Variants in KAT6B observed in about 807,000 individuals in gnomAD.
KAT6B encodes lysine acetyltransferase 6B.
In KAT6B, 10 loss-of-function variants were observed where a neutral mutation model predicts 187.5. The observed-to-expected ratio is 0.05, with a 90% CI of 0.03 to 0.09. The LOEUF (loss-of-function observed/expected upper bound fraction) is 0.09, where lower values mean the gene tolerates loss of function less well. Among genes scored for constraint, KAT6B ranks in the 10% least tolerant of loss-of-function variants. KAT6B has a pLI of 1.00. For missense variants in KAT6B, 1,952 were observed against 2,558.9 expected, an observed-to-expected ratio of 0.76 and a Z score of 5.12; for synonymous variants, 861 against 926.8, an observed-to-expected ratio of 0.93 and a Z score of 1.29.
At chr10:74,943,156 A>C (rs569987993) in intron 3 of KAT6B, among the ~76,000 whole-genome samples, 54 of 152,342 alleles carry the variant, frequency 3.5e-4, no homozygotes, top group Non-Finnish European at 5.6e-4. Context: ...CAAAATGATT[A>C]TTTTTAAAGT....
chr10:74,884,196 C>G (rs1845066308), intron 3 of KAT6B, among the ~76,000 whole-genome samples: 1 of 152,108 alleles, frequency 6.6e-6, no homozygotes, highest in South Asian at 2.1e-4. Context: ...TTTTGAAATC[C>G]CTGGGTTGAA....
At chr10:75,011,537 C>A (rs556195324) in intron 13 of KAT6B, among the ~76,000 whole-genome samples, 2 of 152,276 alleles carry the variant, frequency 1.3e-5, no homozygotes, top group East Asian at 3.9e-4. Context: ...GTAAGCTATT[C>A]TTACATCAAC....
In KAT6B at chr10:75,030,212, G is replaced by A. The variant is rs898082365; in HGVS notation, c.5388G>A (p.Glu1796=). ...ETSNANIGLY[E]RMGQSDFGAG... The stretch of plus-strand genomic sequence containing the variant: ...GCAACGCCAACATTGGCTTATACGA[G>A]CGAATGGGTCAGAGTGATTTTGGGG... Residue 1796 remains glutamate (E), a synonymous_variant, in exon 18 of 18, where the codon GAG becomes GAA. Coordinates refer to ENST00000287239, the MANE Select transcript of KAT6B (RefSeq NM_012330.4). This position sits in a 1 kb window ranked among gnomAD's most constrained non-coding sequence, Gnocchi z 4.8. 3.7e-6 allele frequency: 6 copies of A among 1,614,026 alleles called. No individual in the cohort carries two copies. In the African/African-American group the frequency reaches 6.7e-5, roughly 18 times the overall value.
chr10:74,825,260 T>TC (rs1840100960), upstream of KAT6B, among the ~76,000 whole-genome samples: 16 of 151,576 alleles, frequency 1.1e-4, no homozygotes, highest in South Asian at 3.3e-3. The surrounding 1 kb of genome is among the most constrained non-coding windows in gnomAD (Gnocchi z 5.0). Flanking sequence ...GCGGGCACAC[T>TC]CCCCGCCCCA....
chr10:74,863,388 C>T (rs924786063), intron 3 of KAT6B, among the ~76,000 whole-genome samples: 2 of 152,084 alleles, frequency 1.3e-5, no homozygotes, highest in Admixed American at 1.3e-4. Flanking sequence ...TTAAGGTGCT[C>T]CTAAATCTTC....
chr10:74,989,714 C>T lies in KAT6B; in HGVS notation c.2629+602C>T, dbSNP rs777090363. Among the ~76,000 whole-genome samples, 13 of 151,480 alleles carry T rather than the reference C, an allele frequency of 8.6e-5. 1 individual carries two copies. The highest frequency in any genetic ancestry group is 4.2e-4 in the South Asian group (2 of 4,790). On this transcript the variant is annotated intron_variant, in intron 13 of 17. Transcript: ENST00000287239. ...TCTTCTGAACCTTCTCAGTTAAAAC[C>T]GGCATAATATATAAAAGTATGCACA...
Position 74,945,739 on chromosome 10 carries a change from T to A in KAT6B, c.622-14231T>A, listed in dbSNP as rs542846066. Among the ~76,000 whole-genome samples, 50 of 152,292 alleles carry A rather than the reference T, an allele frequency of 3.3e-4. 1 individual carries two copies. Among genetic ancestry groups the A allele is most frequent in the African/African-American group, 1.1e-3 (47 of 41,572 alleles). Reference sequence around the variant, plus strand: ...TGCTGGGATTACAGGCATGAGCCACTGTGCCCGCCGGCCTGCCCAAACTTT... The same window carrying A: ...TGCTGGGATTACAGGCATGAGCCACAGTGCCCGCCGGCCTGCCCAAACTTT... On this transcript the variant is annotated intron_variant, in intron 3 of 17. Transcript: ENST00000287239.
chr10:74,839,261 G>A (rs1243438085), intron 2 of KAT6B, among the ~76,000 whole-genome samples: 2 of 144,880 alleles, frequency 1.4e-5, no homozygotes, highest in South Asian at 2.1e-4. Flanking sequence ...ATGGAGTTTC[G>A]CTCTTGTTGC....
chr10:75,021,447 A>G (rs148242818), intron 15 of KAT6B, among the ~76,000 whole-genome samples, 162 bp downstream of exon 15: 12 of 152,222 alleles, frequency 7.9e-5, no homozygotes, highest in African/African-American at 2.9e-4. Context: ...ATGGTAAGAC[A>G]TGATAATTTT....
intron 3 of KAT6B, among the ~76,000 whole-genome samples, chr10:74,861,067 G>A (rs1166681068): frequency 6.6e-6 from 1 of 152,140 alleles, no homozygotes; most frequent in Non-Finnish European, 1.5e-5. Flanking sequence ...AACCCGGGAG[G>A]TGGAGGTTGC....
intron 13 of KAT6B, among the ~76,000 whole-genome samples, chr10:75,009,444 A>G (rs1224080016): frequency 1.3e-5 from 2 of 152,194 alleles, no homozygotes; most frequent in African/African-American, 4.8e-5. Context: ...TGATTAACAT[A>G]ATATAAAGTC....
intron 3 of KAT6B, among the ~76,000 whole-genome samples, chr10:74,870,286 CT>C (rs1223104300): frequency 6.6e-6 from 1 of 152,110 alleles, no homozygotes; most frequent in African/African-American, 2.4e-5. Context: ...GAACAAGACT[CT>C]GTCTCAAAAG....
rs1845463855 is a variant in KAT6B, at chr10:75,022,109, G to A, written c.3250G>A (p.Glu1084Lys). ...EEEDEEEEEE[E>K]EEEEEDEEEE... is the part of the protein sequence containing the mutation. ...GGAGGACGAGGAGGAGGAAGAAGAG[G>A]AGGAAGAAGAGGAAGAGGATGAAGA... is the stretch of plus-strand genomic sequence containing the variant. Residue 1084 changes from glutamate to lysine, a missense_variant, in exon 16 of 18, where the codon GAG becomes AAG. This residue lies in a region of KAT6B where 758 missense variants were observed against 891.4 expected (regional missense o/e 0.85). Coordinates refer to ENST00000287239, the MANE Select transcript of KAT6B (RefSeq NM_012330.4). 1 of 1,610,532 alleles carries A rather than the reference G, an allele frequency of 6.2e-7. No individual in the cohort carries two copies. The highest frequency in any genetic ancestry group is 8.5e-7 in the Non-Finnish European group (1 of 1,178,532).
At chr10:74,926,248 G>A (rs1589637001) in intron 3 of KAT6B, among the ~76,000 whole-genome samples, 1 of 152,368 alleles carries the variant, frequency 6.6e-6, no homozygotes, top group African/African-American at 2.4e-5. Context: ...GAGGTCAGGA[G>A]TTCAAGACCA....
rs886664200 is a variant in KAT6B at position 75,014,552 on chromosome 10, A to G, written c.2630-6030A>G. ...ATTTGTCAAATTTCTCAGTAAAATT[A>G]ATAGATAGAGCCCTTAAAAGCAAAA... On this transcript the variant is annotated intron_variant, in intron 13 of 17. Coordinates refer to ENST00000287239, the MANE Select transcript of KAT6B (RefSeq NM_012330.4). 2.0e-5 allele frequency among the ~76,000 whole-genome samples: 3 copies of G among 152,178 alleles called. No homozygotes were observed. In the East Asian group the frequency reaches 5.8e-4, roughly 29 times the overall value.
chr10:74,889,137 G>A (rs1845486905), intron 3 of KAT6B, among the ~76,000 whole-genome samples: 1 of 152,128 alleles, frequency 6.6e-6, no homozygotes, highest in Admixed American at 6.6e-5. Flanking sequence ...AGACAGACAT[G>A]GGACGAGATT....
intron 13 of KAT6B, among the ~76,000 whole-genome samples, chr10:75,019,020 A>G (rs2134137045): frequency 6.6e-6 from 1 of 152,278 alleles, no homozygotes; most frequent in South Asian, 2.1e-4. Context: ...CTGGCAACAC[A>G]GAGACGTAGA....
Position 75,025,041 on chromosome 10 carries a change from G to A in KAT6B, c.3456G>A (p.Thr1152=), listed in dbSNP as rs769921454. 3 of 1,614,180 alleles carry A rather than the reference G, an allele frequency of 1.9e-6. No homozygotes were observed. The highest frequency in any genetic ancestry group is 1.7e-6 in the Non-Finnish European group (2 of 1,180,020). ...SSVTTETISE[T]TEVLNEPFDN... ...TAACAACAGAGACCATTTCAGAGAC[G>A]ACAGAAGTACTGAATGAGCCCTTTG... The change falls in exon 17 of 18, where the codon ACG becomes ACA. Residue 1152 remains threonine, a synonymous_variant. Transcript: ENST00000287239.
intron 12 of KAT6B, among the ~76,000 whole-genome samples, chr10:74,985,601 C>G (rs1211874742): frequency 6.6e-6 from 1 of 152,194 alleles, no homozygotes; most frequent in East Asian, 1.9e-4. Context: ...TCTCCTTTCT[C>G]CTTGTTGCCT....
Sources: gnomAD v4.1 joint callset for allele counts (sites outside exome capture counted in the v4.1 genomes callset) on GRCh38, gnomAD v4.1.1 for gene constraint, gnomAD v4.1.1 regional missense constraint, Gnocchi (gnomAD v3.1) non-coding constraint, MANE v1.5 for transcripts, NCBI Gene and HGNC (gene_info 2026-07-23, HGNC 2026-07-21) for gene names.